FSTL4: variants seen among roughly 807,000 people sequenced by gnomAD.
The protein encoded by FSTL4 is follistatin-related protein 4.
FSTL4 carries 28 observed loss-of-function variants against 78.2 expected under a neutral mutation model. The ratio of observed to expected loss-of-function variants is 0.36; its 90% confidence interval spans 0.27 to 0.49. FSTL4 has a LOEUF of 0.49. FSTL4 is among the 20% of genes least tolerant of loss of function. The probability of loss-of-function intolerance (pLI) is 0.98; values close to 1 mark genes in which losing one functional copy is unlikely to be tolerated. For missense variants in FSTL4, 922 were observed against 1,084.9 expected (o/e 0.85, Z 2.11); for synonymous variants, 422 against 440.5 (o/e 0.96, Z 0.53).
At chr5:133,669,651 G>A in the FSTL4 span, among the ~76,000 whole-genome samples, 1 of 152,146 alleles carries the variant, frequency 6.6e-6, no homozygotes, top group East Asian at 1.9e-4. Context: ...CTGCTATTAC[G>A]TTACCTCAAA....
intron 4 of FSTL4, among the ~76,000 whole-genome samples, chr5:133,358,867 T>C (rs1217547929): frequency 6.6e-6 from 1 of 152,074 alleles, no homozygotes; most frequent in African/African-American, 2.4e-5. Flanking sequence ...TTAAGTAAAA[T>C]GCTATTTCCC....
chr5:133,684,297 C>G, the FSTL4 span, among the ~76,000 whole-genome samples: 1 of 152,206 alleles, frequency 6.6e-6, no homozygotes, highest in East Asian at 1.9e-4. Flanking sequence ...TCCTCCCCGA[C>G]CCTCGCAGGT....
chr5:133,433,238 G>A (rs867038276), intron 3 of FSTL4, among the ~76,000 whole-genome samples: 1 of 152,166 alleles, frequency 6.6e-6, no homozygotes, highest in African/African-American at 2.4e-5. Context: ...AAGCTTAATA[G>A]TCCTATTTGT....
intron 2 of FSTL4, among the ~76,000 whole-genome samples, chr5:133,593,010 C>T (rs1220220055): frequency 6.6e-6 from 1 of 152,196 alleles, no homozygotes; most frequent in Non-Finnish European, 1.5e-5. Context: ...TGCAACTCTA[C>T]AGCAAGGAAT....
chr5:133,763,678 C>T, the FSTL4 span, among the ~76,000 whole-genome samples: 116 of 152,284 alleles, frequency 7.6e-4, no homozygotes, highest in African/African-American at 2.7e-3. Context: ...CATCACAACT[C>T]CTCCCCACCT....
intron 2 of FSTL4, among the ~76,000 whole-genome samples, chr5:133,603,113 G>C (rs1245537250): frequency 2.0e-5 from 3 of 152,176 alleles, no homozygotes; most frequent in Non-Finnish European, 4.4e-5. Flanking sequence ...TAATGGAAGG[G>C]TGAAGTCATT....
chr5:133,392,174 C>T (rs1351871345), intron 4 of FSTL4, among the ~76,000 whole-genome samples: 1 of 152,068 alleles, frequency 6.6e-6, no homozygotes, highest in African/African-American at 2.4e-5. Flanking sequence ...GGTCATCCAG[C>T]CAGGAGATGA....
the FSTL4 span, among the ~76,000 whole-genome samples, chr5:133,771,550 G>A: frequency 7.9e-5 from 12 of 152,092 alleles, no homozygotes; most frequent in African/African-American, 2.9e-4. Context: ...TCAGTGTATA[G>A]AAACACTACT....
chr5:133,528,608 C>A (rs1759185606), intron 3 of FSTL4, among the ~76,000 whole-genome samples: 1 of 152,192 alleles, frequency 6.6e-6, no homozygotes, highest in African/African-American at 2.4e-5. Context: ...CTGGCACGCT[C>A]CTCTGTGAAC....
intron 3 of FSTL4, among the ~76,000 whole-genome samples, chr5:133,459,930 G>A (rs1386457880): frequency 6.6e-6 from 1 of 152,188 alleles, no homozygotes. Flanking sequence ...CTCCTTTGAG[G>A]TAGGAAAATA....
At chr5:133,443,943 C>A (rs1307031489) in intron 3 of FSTL4, among the ~76,000 whole-genome samples, 1 of 152,198 alleles carries the variant, frequency 6.6e-6, no homozygotes, top group Non-Finnish European at 1.5e-5. Context: ...TTGCTTGGTC[C>A]TAGGCACCCA....
At chr5:133,381,055 G>A (rs1755555603) in intron 4 of FSTL4, among the ~76,000 whole-genome samples, 1 of 152,172 alleles carries the variant, frequency 6.6e-6, no homozygotes, top group African/African-American at 2.4e-5. Flanking sequence ...TATGAATTAT[G>A]GGAACTCACA....
the FSTL4 span, among the ~76,000 whole-genome samples, chr5:133,627,207 C>T: frequency 5.2e-4 from 73 of 140,872 alleles, no homozygotes; most frequent in African/African-American, 1.9e-3. Flanking sequence ...TGTCCCCACA[C>T]TGCCAATAAA....
chr5:133,391,599 C>T (rs153196), intron 4 of FSTL4, among the ~76,000 whole-genome samples: 68,122 of 152,098 alleles, frequency 0.45, 17,027 homozygotes, highest in Admixed American at 0.57. Context: ...GAGATCAACC[C>T]CATCAGCCCT....
At chr5:133,332,279 T>C (rs10041182) in intron 4 of FSTL4, among the ~76,000 whole-genome samples, 11,291 of 152,272 alleles carry the variant, frequency 0.074, 897 homozygotes, top group African/African-American at 0.18. Flanking sequence ...TGGCTCTCAC[T>C]AGACTCACAC....
Position 133,233,439 on chromosome 5 carries a change from C to G in FSTL4, c.993G>C (p.Gln331His), listed in dbSNP as rs1751557333. 1 of 1,614,216 alleles carries G rather than the reference C, an allele frequency of 6.2e-7. No individual in the cohort carries two copies. Among genetic ancestry groups the G allele is most frequent in the Non-Finnish European group, 8.5e-7 (1 of 1,180,050 alleles). ...AACCATTCACCTGCAGGACGTGGGT[C>G]TGGAACAGCTGCTCGTGGCCGGAAG... The part of the protein sequence containing the change: ...CHASGHEQLF[Q>H]THVLQVNVPP... The change falls in exon 8 of 16, where the codon CAG becomes CAC. Residue 331 changes from glutamine to histidine, a missense_variant. Transcript: ENST00000265342.
At chr5:133,276,241 C>T (rs1752880096) in intron 6 of FSTL4, among the ~76,000 whole-genome samples, 1 of 152,206 alleles carries the variant, frequency 6.6e-6, no homozygotes, top group Non-Finnish European at 1.5e-5. Flanking sequence ...CTGTCTTCAG[C>T]TGGCTGCCAG....
At chr5:133,601,635 C>A (rs1760871016) in intron 2 of FSTL4, among the ~76,000 whole-genome samples, 2 of 150,026 alleles carry the variant, frequency 1.3e-5, no homozygotes, top group Admixed American at 1.3e-4. Flanking sequence ...AATAAATGTT[C>A]TGCTCTCTGT....
intron 3 of FSTL4, among the ~76,000 whole-genome samples, chr5:133,517,323 T>C (rs914691249): frequency 7.7e-5 from 11 of 143,160 alleles, no homozygotes; most frequent in African/African-American, 2.9e-4. Context: ...CTCAGGAGGC[T>C]GAGGCAGAAG....
Sources: gnomAD v4.1 joint callset for allele counts (sites outside exome capture counted in the v4.1 genomes callset) on GRCh38, gnomAD v4.1.1 for gene constraint, MANE v1.5 for transcripts, NCBI Gene and HGNC (gene_info 2026-07-23, HGNC 2026-07-21) for gene names.